CUL2: variants seen among roughly 807,000 people sequenced by gnomAD.
CUL2 encodes cullin-2.
Under a neutral mutation model 110.2 loss-of-function variants are expected in CUL2, and 22 were observed. The observed-to-expected ratio is 0.20, with a 90% confidence interval of 0.14 to 0.28. The LOEUF (loss-of-function observed/expected upper bound fraction) is 0.28. Among genes scored for constraint, CUL2 ranks in the 10% least tolerant of loss-of-function variants. The pLI is 1.00. For missense variants in CUL2, 631 were observed against 905.5 expected (o/e 0.70, Z 3.89); for synonymous variants, 279 against 293.2 (o/e 0.95, Z 0.49).
chr10:35,070,436 T>A (rs1157125369), intron 2 of CUL2, among the ~76,000 whole-genome samples: 1 of 152,180 alleles, frequency 6.6e-6, no homozygotes, highest in East Asian at 1.9e-4. Flanking sequence ...AATCAGAGCT[T>A]TTCTAAAGAA....
chr10:35,072,514 G>A (rs940142254), intron 1 of CUL2, among the ~76,000 whole-genome samples: 2 of 151,960 alleles, frequency 1.3e-5, no homozygotes, highest in African/African-American at 4.8e-5. Context: ...GACTACAGGC[G>A]CCCGCCACCA....
chr10:35,060,341 C>G (rs1589017074), intron 4 of CUL2, among the ~76,000 whole-genome samples: 2 of 152,172 alleles, frequency 1.3e-5, no homozygotes, highest in East Asian at 3.9e-4. Context: ...GCAGATGGAA[C>G]AGCACCAGGA....
chr10:35,043,819 C>T (rs375546107), intron 8 of CUL2, among the ~76,000 whole-genome samples: 13 of 152,128 alleles, frequency 8.5e-5, no homozygotes, highest in South Asian at 4.1e-4. Context: ...AAAATCCCAG[C>T]GCTTTGGGAG....
intron 17 of CUL2, among the ~76,000 whole-genome samples, chr10:35,022,204 T>C (rs1268371195): frequency 6.6e-6 from 1 of 152,178 alleles, no homozygotes; most frequent in African/African-American, 2.4e-5. Flanking sequence ...TCAATGAATT[T>C]TACAACAATA....
At chr10:35,033,756 C>A (rs796746702) in intron 10 of CUL2, among the ~76,000 whole-genome samples, 114 of 134,592 alleles carry the variant, frequency 8.5e-4, no homozygotes, top group African/African-American at 1.4e-3. Context: ...ACAACAACAA[C>A]AAAAAAAAAA....
At position 35,049,671 on chromosome 10, in the gene CUL2, G is replaced by A; in HGVS notation, c.506+12C>T. On this transcript the variant is annotated intron_variant, in intron 6 of 20. Coordinates refer to ENST00000374749, the MANE Select transcript of CUL2 (RefSeq NM_003591.4). The stretch of plus-strand genomic sequence containing the variant: ...ATAAAATTGACTCAGTAAGATAAAT[G>A]TCAGCACTCACTTTTTGATTTCTCG... 1 of 1,604,550 alleles carries A rather than the reference G, an allele frequency of 6.2e-7. No homozygotes were observed. The highest frequency in any genetic ancestry group is 8.5e-7 in the Non-Finnish European group (1 of 1,172,082).
intron 1 of CUL2, among the ~76,000 whole-genome samples, chr10:35,077,593 G>A (rs753818658): frequency 6.6e-5 from 10 of 151,816 alleles, no homozygotes; most frequent in Non-Finnish European, 1.2e-4. Flanking sequence ...CGAGGCAGGC[G>A]CATTACCTGA....
chr10:35,036,623 C>A (rs952947245), intron 9 of CUL2, among the ~76,000 whole-genome samples: 3 of 152,196 alleles, frequency 2.0e-5, no homozygotes, highest in Non-Finnish European at 4.4e-5. Flanking sequence ...TATTGGCCAT[C>A]TGGGTATCTT....
chr10:35,101,481 T>C (rs1194074928), intron 1 of CUL2, among the ~76,000 whole-genome samples: 1 of 152,222 alleles, frequency 6.6e-6, no homozygotes, highest in Admixed American at 6.5e-5. Flanking sequence ...TCCATTATTA[T>C]TCCTGTTTTA....
chr10:35,047,788 C>T (rs930787498), intron 6 of CUL2, among the ~76,000 whole-genome samples: 3 of 151,600 alleles, frequency 2.0e-5, no homozygotes, highest in African/African-American at 7.3e-5. Flanking sequence ...GTGGTGGTGC[C>T]CAGCTACTCG....
At chr10:35,056,922 C>T (rs2086253847) in intron 4 of CUL2, among the ~76,000 whole-genome samples, 1 of 152,200 alleles carries the variant, frequency 6.6e-6, no homozygotes. Context: ...TGCATCACTT[C>T]CTCTCACTAC....
intron 1 of CUL2, among the ~76,000 whole-genome samples, chr10:35,113,496 C>T (rs1466209159): frequency 7.3e-5 from 2 of 27,466 alleles, no homozygotes; most frequent in Admixed American, 1.2e-3. Flanking sequence ...AAGACTCTGC[C>T]TCAAAAAAAA....
chr10:35,012,879 T>G (rs2084939467), intron 19 of CUL2, among the ~76,000 whole-genome samples: 1 of 152,006 alleles, frequency 6.6e-6, no homozygotes, highest in African/African-American at 2.4e-5. Context: ...CAACAATCAC[T>G]GCTGAGTTAA....
At chr10:35,052,661 G>A (rs910983152) in intron 5 of CUL2, among the ~76,000 whole-genome samples, 1 of 152,018 alleles carries the variant, frequency 6.6e-6, no homozygotes, top group East Asian at 1.9e-4. Context: ...TTTGAGAAGC[G>A]GAGGCAGGCG....
At chr10:35,102,947 T>C (rs1348072777) in intron 1 of CUL2, among the ~76,000 whole-genome samples, 3 of 151,886 alleles carry the variant, frequency 2.0e-5, no homozygotes, top group Admixed American at 2.0e-4. Flanking sequence ...CCAGCCACAA[T>C]ACTCCAATTA....
intron 16 of CUL2, among the ~76,000 whole-genome samples, chr10:35,025,711 T>C (rs2085321379): frequency 1.3e-5 from 2 of 152,340 alleles, no homozygotes; most frequent in Admixed American, 1.3e-4. Flanking sequence ...ATTCTATTAA[T>C]GTAGCCTTCA....
intron 1 of CUL2, among the ~76,000 whole-genome samples, chr10:35,103,316 TTTTTTTTTTTTTTTTTA>T (rs1564753901): frequency 6.5e-5 from 7 of 106,918 alleles, no homozygotes; most frequent in Middle Eastern, 4.1e-3. Flanking sequence ...TAATTTTTTT[TTTTTTTTTTTTTTTTTA>T]TTTTTTTTTG....
At chr10:35,032,966 G>A (rs767053854) in intron 11 of CUL2, among the ~76,000 whole-genome samples, 200 bp downstream of exon 11, 2 of 151,822 alleles carry the variant, frequency 1.3e-5, no homozygotes, top group Non-Finnish European at 2.9e-5. Context: ...GCATAATCAC[G>A]GGACATTCTA....
chr10:35,072,248 G>C (rs2086699522), intron 1 of CUL2, among the ~76,000 whole-genome samples: 1 of 152,004 alleles, frequency 6.6e-6, no homozygotes, highest in Admixed American at 6.6e-5. Context: ...AGATTCCACA[G>C]AAATGTCAGG....
Sources: allele counts gnomAD v4.1 joint callset (sites outside exome capture counted in the v4.1 genomes callset), GRCh38; gene constraint gnomAD v4.1.1; transcripts MANE v1.5; gene names NCBI Gene and HGNC (gene_info 2026-07-23, HGNC 2026-07-21).